The following LOC400499 variants were observed in gnomAD, a reference collection of about 807,000 sequenced individuals.
chr16:11,426,826 G>A, the LOC400499 span, among the ~76,000 whole-genome samples: 2 of 148,942 alleles, frequency 1.3e-5, no homozygotes, highest in Non-Finnish European at 3.0e-5. Context: ...GGGAGGCTAA[G>A]GCAGGAGGAT....
the LOC400499 span, among the ~76,000 whole-genome samples, chr16:11,486,830 TTGGA>T: frequency 2.8e-5 from 1 of 36,270 alleles, no homozygotes; most frequent in African/African-American, 1.3e-4. Flanking sequence ...GGGTGGGTGG[TTGGA>T]TGAACGGATG....
chr16:11,422,073 C>T, the LOC400499 span, among the ~76,000 whole-genome samples: 14 of 152,350 alleles, frequency 9.2e-5, no homozygotes, highest in African/African-American at 2.9e-4. Flanking sequence ...GAGTTTGCAA[C>T]CCCTGTACCC....
chr16:11,466,640 C>T, the LOC400499 span, among the ~76,000 whole-genome samples: 40,848 of 151,936 alleles, frequency 0.27, 5,869 homozygotes, highest in Admixed American at 0.42. Context: ...CCACCTTTCT[C>T]GGCCTCCCAA....
the LOC400499 span, among the ~76,000 whole-genome samples, chr16:11,400,135 T>G: frequency 3.3e-5 from 5 of 151,344 alleles, no homozygotes; most frequent in Non-Finnish European, 7.4e-5. Context: ...TGCTCCTCAC[T>G]GGGGCCTCCA....
chr16:11,501,044 C>T, the LOC400499 span: 1 of 398,166 alleles, frequency 2.5e-6, no homozygotes, highest in Non-Finnish European at 4.4e-6. Context: ...CGGGGGTAAA[C>T]TGAGGCTCAG....
At chr16:11,384,754 C>T in the LOC400499 span, 60 of 753,750 alleles carry the variant, frequency 8.0e-5, no homozygotes, top group East Asian at 1.1e-3. Context: ...AGGGCACACG[C>T]GCTGCCATGC....
At chr16:11,387,300 A>C in the LOC400499 span, 1 of 1,232,226 alleles carries the variant, frequency 8.1e-7, no homozygotes, top group Non-Finnish European at 1.0e-6. Context: ...CGGTTCCTGC[A>C]GGGAATGCAG....
chr16:11,393,528 A>G, the LOC400499 span: 1 of 1,232,392 alleles, frequency 8.1e-7, no homozygotes, highest in Non-Finnish European at 1.0e-6. Flanking sequence ...ACGGCCCAGT[A>G]GGCCAACCCG....
At chr16:11,425,043 G>A in the LOC400499 span, 8 of 398,136 alleles carry the variant, frequency 2.0e-5, no homozygotes, top group African/African-American at 1.6e-4. Flanking sequence ...TTGGGGGTTG[G>A]AGGCTCATTT....
chr16:11,482,127 C>A, the LOC400499 span, among the ~76,000 whole-genome samples: 1 of 152,206 alleles, frequency 6.6e-6, no homozygotes, highest in Non-Finnish European at 1.5e-5. Flanking sequence ...CCAGATGACA[C>A]AGGCTCAACA....
the LOC400499 span, among the ~76,000 whole-genome samples, chr16:11,420,594 TAA>T: frequency 3.4e-5 from 3 of 87,294 alleles, no homozygotes; most frequent in African/African-American, 1.6e-4. Context: ...TAAATAATAA[TAA>T]ACCCCCCCCC....
At chr16:11,470,981 A>C in the LOC400499 span, among the ~76,000 whole-genome samples, 1 of 152,244 alleles carries the variant, frequency 6.6e-6, no homozygotes, top group Non-Finnish European at 1.5e-5. Context: ...TCTTCAGGGC[A>C]GTGAGTCTGG....
chr16:11,502,204 G>C, the LOC400499 span: 26 of 399,050 alleles, frequency 6.5e-5, no homozygotes, highest in South Asian at 2.5e-3. Flanking sequence ...GGGGCAGCAT[G>C]AGACACCCAG....
At chr16:11,431,846 C>G in the LOC400499 span, among the ~76,000 whole-genome samples, 1 of 152,230 alleles carries the variant, frequency 6.6e-6, no homozygotes, top group South Asian at 2.1e-4. Flanking sequence ...TCTATGTCCT[C>G]TCCCTTTGAA....
chr16:11,501,702 C>T, the LOC400499 span, among the ~76,000 whole-genome samples: 1 of 152,070 alleles, frequency 6.6e-6, no homozygotes, highest in African/African-American at 2.4e-5. Flanking sequence ...GGAATGCCGG[C>T]CCTGCCCAGC....
the LOC400499 span, chr16:11,450,568 G>C: frequency 6.6e-7 from 1 of 1,519,432 alleles, no homozygotes; most frequent in South Asian, 1.2e-5. Flanking sequence ...GATCTCAGTG[G>C]CAGGGGACCA....
chr16:11,429,816 C>T, the LOC400499 span, among the ~76,000 whole-genome samples: 2 of 152,020 alleles, frequency 1.3e-5, no homozygotes, highest in South Asian at 4.2e-4. Context: ...TAGAAAAATC[C>T]CCATTTGGCA....
chr16:11,440,173 C>G, the LOC400499 span, among the ~76,000 whole-genome samples: 4 of 152,088 alleles, frequency 2.6e-5, no homozygotes, highest in Non-Finnish European at 5.9e-5. Flanking sequence ...AATGAATGGA[C>G]AGGAATGAAC....
the LOC400499 span, among the ~76,000 whole-genome samples, chr16:11,436,707 C>T: frequency 2.0e-5 from 3 of 152,070 alleles, no homozygotes; most frequent in African/African-American, 7.2e-5. Flanking sequence ...CCTGCCTCAG[C>T]CTCCCGAGTA....
Sources: gnomAD v4.1 joint callset for allele counts (sites outside exome capture counted in the v4.1 genomes callset) on GRCh38, gnomAD v4.1.1 for gene constraint, MANE v1.5 for transcripts.